Variants in SEMA6D observed in about 807,000 individuals in gnomAD.
The protein encoded by SEMA6D is semaphorin 6D.
SEMA6D carries 35 observed loss-of-function variants against 106.6 expected under a neutral mutation model. The observed-to-expected ratio is 0.33, with a 90% CI of 0.25 to 0.44. The LOEUF is 0.44. Among genes scored for constraint, SEMA6D ranks in the 20% least tolerant of loss-of-function variants. SEMA6D has a pLI of 1.00. For missense variants in SEMA6D, 1,185 were observed against 1,345.9 expected, an observed-to-expected ratio of 0.88 and a Z score of 1.87; for synonymous variants, 499 against 487.7, an observed-to-expected ratio of 1.02 and a Z score of -0.31.
intron 3 of SEMA6D, among the ~76,000 whole-genome samples, chr15:47,543,844 A>G (rs931450033): frequency 1.1e-4 from 16 of 151,616 alleles, no homozygotes; most frequent in African/African-American, 2.4e-4. Flanking sequence ...CCAAGTGGAG[A>G]AAAAAAACCC....
At chr15:47,377,660 C>G (rs1443139292) in intron 1 of SEMA6D, among the ~76,000 whole-genome samples, 1 of 152,082 alleles carries the variant, frequency 6.6e-6, no homozygotes, top group Non-Finnish European at 1.5e-5. Context: ...GTAAGGGAGG[C>G]AAGGAGTGGC....
At chr15:47,650,685 G>T (rs2144944526) in intron 4 of SEMA6D, among the ~76,000 whole-genome samples, 1 of 152,226 alleles carries the variant, frequency 6.6e-6, no homozygotes, top group Middle Eastern at 3.4e-3. Flanking sequence ...CCCCTATAGA[G>T]AATAGGAAAA....
chr15:47,254,275 A>ATATATGAGTGTG (rs2033672229), intron 1 of SEMA6D, among the ~76,000 whole-genome samples: 1 of 148,730 alleles, frequency 6.7e-6, no homozygotes, highest in East Asian at 1.9e-4. Context: ...ATACACACAC[A>ATATATGAGTGTG]TATATGAGTG....
chr15:47,322,847 TCC>T (rs1566997613), intron 1 of SEMA6D, among the ~76,000 whole-genome samples: 1 of 152,178 alleles, frequency 6.6e-6, no homozygotes, highest in East Asian at 1.9e-4. Context: ...GTGTTTTCCT[TCC>T]CTAAGAGAAC....
chr15:47,603,278 C>G (rs934745868), intron 4 of SEMA6D: 2 of 152,290 alleles, frequency 1.3e-5, no homozygotes, highest in African/African-American at 4.8e-5. Flanking sequence ...TGTCCTGTAG[C>G]TGGGACCTTC....
intron 1 of SEMA6D, among the ~76,000 whole-genome samples, chr15:47,361,616 T>C (rs2038808482): frequency 6.6e-6 from 1 of 152,188 alleles, no homozygotes; most frequent in Non-Finnish European, 1.5e-5. Flanking sequence ...TCTGTCCCTG[T>C]TGCAGTCCCA....
intron 1 of SEMA6D, among the ~76,000 whole-genome samples, 160 bp downstream of exon 1, chr15:47,717,852 GTGTGTGTGTGTGT>G (rs2079181707): frequency 6.8e-6 from 1 of 146,360 alleles, no homozygotes; most frequent in South Asian, 2.2e-4. Context: ...GTGTGTGTGT[GTGTGTGTGTGTGT>G]GTGTGTGTGT....
rs190380636 is a variant in SEMA6D, at chr15:47,471,360, T to C, written c.-87+815T>C. Reference sequence around the variant, plus strand: ...TCTGGTATGTTTCAAACTCCCACTTTCCCCCCCAGAAATGGGTCTTTCTGA... The same window carrying C: ...TCTGGTATGTTTCAAACTCCCACTTCCCCCCCCAGAAATGGGTCTTTCTGA... On this transcript the variant is annotated intron_variant, in intron 3 of 19. Coordinates refer to the SEMA6D transcript ENST00000558014. Among the ~76,000 whole-genome samples, 34 of 152,220 alleles carry C rather than the reference T, an allele frequency of 2.2e-4. 1 individual carries two copies. In the East Asian group the frequency reaches 6.4e-3, roughly 29 times the overall value.
In SEMA6D at chr15:47,373,985, A is replaced by G. The variant is rs377127127; in HGVS notation, c.-238-38408A>G. Among the ~76,000 whole-genome samples the G allele has an allele frequency of 2.9e-4, 44 of 152,326 alleles. No individual in the cohort carries two copies. In the East Asian group the frequency reaches 7.9e-3, roughly 27 times the overall value. On this transcript the variant is annotated intron_variant, in intron 1 of 19. Coordinates refer to the SEMA6D transcript ENST00000558014. ...CAGCAGTAAATAACTTGTTGTCCAT[A>G]TAATGGCTAAACACTGAAGCACAGC... is the stretch of plus-strand genomic sequence containing the variant.
In SEMA6D at chr15:47,343,516, T is replaced by C. The variant is rs894026853; in HGVS notation, c.-238-68877T>C. On this transcript the variant is annotated intron_variant, in intron 1 of 19. Transcript: ENST00000558014. ...GTGAGAACATGCAGTGTTTGGTTTT[T>C]TGTCCTTGCGATAGTTTGCTGAGAA... is the stretch of plus-strand genomic sequence containing the variant. Among the ~76,000 whole-genome samples, 8 of 152,028 alleles carry C rather than the reference T, an allele frequency of 5.3e-5. No homozygotes were observed. The South Asian group carries it at 1.5e-3, about 28-fold the overall frequency.
chr15:47,726,288 A>G (rs1261494733), intron 1 of SEMA6D, among the ~76,000 whole-genome samples: 1 of 152,292 alleles, frequency 6.6e-6, no homozygotes, highest in African/African-American at 2.4e-5. Flanking sequence ...CTGGGAGTAT[A>G]GGACTAATAG....
chr15:47,575,723 C>CA (rs142185669), intron 3 of SEMA6D, among the ~76,000 whole-genome samples: 8,226 of 145,584 alleles, frequency 0.057, 733 homozygotes, highest in African/African-American at 0.19. Context: ...CATCTCAAAA[C>CA]AAAAAAAAAA....
At position 47,766,095 on chromosome 15, in the gene SEMA6D, T is replaced by G; in HGVS notation, c.1569-10T>G. The G allele has an allele frequency of 6.2e-7, 1 of 1,613,576 alleles. No individual in the cohort carries two copies. The highest frequency in any genetic ancestry group is 8.5e-7 in the Non-Finnish European group (1 of 1,179,664). On this transcript the variant is annotated splice_polypyrimidine_tract_variant and intron_variant, in intron 14 of 18. Coordinates refer to ENST00000536845, the MANE Select transcript of SEMA6D (RefSeq NM_001358351.3). Reference sequence around the variant, plus strand: ...AAAATCCAAGTTACATTCTGTTTGGTTTTACACAGGTCTTGTATTGCATCT... The same window carrying G: ...AAAATCCAAGTTACATTCTGTTTGGGTTTACACAGGTCTTGTATTGCATCT...
At chr15:47,329,301 C>T (rs2037249419) in intron 1 of SEMA6D, among the ~76,000 whole-genome samples, 1 of 152,130 alleles carries the variant, frequency 6.6e-6, no homozygotes, top group South Asian at 2.1e-4. Context: ...ATGGAGAAAC[C>T]ACCTTCTTCT....
chr15:47,727,319 C>T (rs536534081), intron 1 of SEMA6D, among the ~76,000 whole-genome samples: 8 of 152,318 alleles, frequency 5.3e-5, no homozygotes, highest in African/African-American at 9.6e-5. Flanking sequence ...TGTTTCGCTG[C>T]GTCTGGAATG....
chr15:47,708,991 C>T (rs1373738457), intron 4 of SEMA6D, among the ~76,000 whole-genome samples: 2 of 152,194 alleles, frequency 1.3e-5, no homozygotes, highest in East Asian at 1.9e-4. Context: ...CAGATCTACT[C>T]TTAATCCTTT....
intron 1 of SEMA6D, among the ~76,000 whole-genome samples, chr15:47,742,330 A>G (rs1409837713): frequency 6.6e-6 from 1 of 152,028 alleles, no homozygotes; most frequent in East Asian, 1.9e-4. Flanking sequence ...GTCAACAGAG[A>G]TGCATCCTTC....
Position 47,330,029 on chromosome 15 carries a change from A to G in SEMA6D, c.-238-82364A>G, listed in dbSNP as rs143941097. ...CTGCCTCTATTTATAATGAGCATCT[A>G]TATTTATAATGGCACCTTTACTGAT... On this transcript the variant is annotated intron_variant, in intron 1 of 19. Transcript: ENST00000558014. Among the ~76,000 whole-genome samples, 1,149 of 152,312 alleles carry G rather than the reference A, an allele frequency of 7.5e-3. 8 individuals are homozygous for G. Among genetic ancestry groups the G allele is most frequent in the East Asian group, 0.05 (258 of 5,180 alleles).
At chr15:47,547,968 G>A (rs2045573996) in intron 3 of SEMA6D, among the ~76,000 whole-genome samples, 1 of 152,102 alleles carries the variant, frequency 6.6e-6, no homozygotes, top group African/African-American at 2.4e-5. Context: ...CCTCTAAAAT[G>A]AAAACATGTT....
Sources: gnomAD v4.1 joint callset for allele counts (sites outside exome capture counted in the v4.1 genomes callset) on GRCh38, gnomAD v4.1.1 for gene constraint, MANE v1.5 for transcripts, NCBI Gene and HGNC (gene_info 2026-07-23, HGNC 2026-07-21) for gene names.